KIRREL3: variants seen among roughly 807,000 people sequenced by gnomAD.
The protein encoded by KIRREL3 is kirre like nephrin family adhesion molecule 3.
A neutral mutation model predicts 89.7 loss-of-function variants in KIRREL3; 36 were observed. The observed-to-expected ratio is 0.40, with a 90% CI of 0.31 to 0.53. The LOEUF is 0.53. KIRREL3 is among the 20% of genes least tolerant of loss of function. The probability of loss-of-function intolerance (pLI) is 0.49; values close to 1 mark genes in which losing one functional copy is unlikely to be tolerated. For synonymous variants in KIRREL3, 445 were observed against 441.4 expected, an observed-to-expected ratio of 1.01 and a Z score of -0.10; for missense variants, 864 against 1,056.6, an observed-to-expected ratio of 0.82 and a Z score of 2.53.
intron 1 of KIRREL3, among the ~76,000 whole-genome samples, chr11:126,650,015 A>T (rs1944847801): frequency 6.6e-6 from 1 of 152,154 alleles, no homozygotes; most frequent in Non-Finnish European, 1.5e-5. Context: ...CAGGCTCAAC[A>T]CCACATGGAA....
chr11:126,681,547 G>C (rs1946452354), intron 1 of KIRREL3, among the ~76,000 whole-genome samples: 1 of 152,130 alleles, frequency 6.6e-6, no homozygotes, highest in Non-Finnish European at 1.5e-5. Flanking sequence ...GAAAAGTGGA[G>C]GACTTGGGAG....
At chr11:126,757,528 C>A (rs1258310173) in intron 1 of KIRREL3, among the ~76,000 whole-genome samples, 2 of 152,236 alleles carry the variant, frequency 1.3e-5, no homozygotes, top group South Asian at 2.1e-4. Context: ...GAGACACAGA[C>A]AATTTCCTAT....
At chr11:126,980,511 A>G (rs1052504296) in intron 1 of KIRREL3, among the ~76,000 whole-genome samples, 5 of 152,164 alleles carry the variant, frequency 3.3e-5, no homozygotes, top group Non-Finnish European at 2.9e-5. Flanking sequence ...GTAATGAATG[A>G]CAATGGTGAA....
chr11:126,901,352 C>T lies in KIRREL3; in HGVS notation c.55+99103G>A, dbSNP rs553737502. ...GTTGAAGTATTGACAAATGACTCAT[C>T]TTCACCCTTGTGGTAAGAAGTAGTC... On this transcript the variant is annotated intron_variant, in intron 1 of 16. Transcript: ENST00000525144. 7.2e-5 allele frequency among the ~76,000 whole-genome samples: 11 copies of T among 152,220 alleles called. No individual in the cohort carries two copies. In the South Asian group the frequency reaches 2.3e-3, roughly 32 times the overall value.
At chr11:126,966,426 A>C (rs1308446209) in intron 1 of KIRREL3, among the ~76,000 whole-genome samples, 1 of 152,146 alleles carries the variant, frequency 6.6e-6, no homozygotes, top group East Asian at 1.9e-4. Flanking sequence ...GTATTGATTG[A>C]GTGTGCACCA....
chr11:126,813,658 T>C (rs1311678125), intron 1 of KIRREL3, among the ~76,000 whole-genome samples: 1 of 151,996 alleles, frequency 6.6e-6, no homozygotes, highest in African/African-American at 2.4e-5. Context: ...AGATAATTGG[T>C]ATTGAGGTTC....
chr11:126,920,542 C>T (rs1947228220), intron 1 of KIRREL3: 1 of 152,316 alleles, frequency 6.6e-6, no homozygotes, highest in South Asian at 2.1e-4. Context: ...GCTCTGTTTG[C>T]CTAAAGGATA....
chr11:126,572,100 A>C (rs531719090), intron 1 of KIRREL3, among the ~76,000 whole-genome samples: 10 of 152,328 alleles, frequency 6.6e-5, no homozygotes, highest in Admixed American at 2.6e-4. Flanking sequence ...AGCCTGGTCC[A>C]TTCAGTCCAT....
Position 126,496,592 on chromosome 11 carries a change from C to T in KIRREL3, c.434-23126G>A, listed in dbSNP as rs1163049382. 6.6e-6 allele frequency among the ~76,000 whole-genome samples: 1 copy of T among 152,038 alleles called. No individual in the cohort carries two copies. The highest frequency in any genetic ancestry group is 1.9e-4 in the East Asian group (1 of 5,162). On this transcript the variant is annotated intron_variant, in intron 4 of 16. Coordinates refer to ENST00000525144, the MANE Select transcript of KIRREL3 (RefSeq NM_032531.4). This position sits in a 1 kb window ranked among gnomAD's most constrained non-coding sequence, Gnocchi z 4.9. ...GAGGCAAAGGGAAGGAAGACCACAT[C>T]CACAGGGTCTTGGGAGGTGGGGTGG...
Position 126,905,253 on chromosome 11 carries a change from A to T in KIRREL3, c.55+95202T>A, listed in dbSNP as rs1334272705. ...CCATGGCAAGGGGAGGGTGGGTGAT[A>T]TTTTTTAGTGAAGGAGATGCTTCCG... On this transcript the variant is annotated intron_variant, in intron 1 of 16. Transcript: ENST00000525144. This position sits in a 1 kb window ranked among gnomAD's most constrained non-coding sequence, Gnocchi z 5.0. 6.6e-6 allele frequency among the ~76,000 whole-genome samples: 1 copy of T among 151,916 alleles called. No homozygotes were observed. The highest frequency in any genetic ancestry group is 1.5e-5 in the Non-Finnish European group (1 of 67,990).
chr11:126,863,498 A>AGTGCGT (rs1944798745), intron 1 of KIRREL3, among the ~76,000 whole-genome samples: 1 of 3,320 alleles, frequency 3.0e-4, no homozygotes, highest in Non-Finnish European at 5.9e-4. Context: ...TGCGTGTGTG[A>AGTGCGT]GTGTGAGTGC....
At chr11:127,001,707 C>A (rs999002954), upstream of KIRREL3, among the ~76,000 whole-genome samples, 2 of 152,008 alleles carry the variant, frequency 1.3e-5, no homozygotes, top group Admixed American at 1.3e-4. Flanking sequence ...TTATCTGGGT[C>A]TATTTACTTA....
rs1453370732 is a variant in KIRREL3, at chr11:126,782,914, C to T, written c.55+217541G>A. Among the ~76,000 whole-genome samples the T allele has an allele frequency of 6.6e-6, 1 of 152,130 alleles. No homozygotes were observed. The highest frequency in any genetic ancestry group is 1.5e-5 in the Non-Finnish European group (1 of 68,016). ...CCAGAGTTTGGTTTCTGATACCACT[C>T]TGTAATAAAAGGAACCAGGGCTCCT... On this transcript the variant is annotated intron_variant, in intron 1 of 16. Transcript: ENST00000525144. The surrounding 1 kb of genome is among the most constrained non-coding windows in gnomAD (Gnocchi z 4.1).
rs907137486 is a variant in KIRREL3, at chr11:126,477,788, G to C, written c.434-4322C>G. On this transcript the variant is annotated intron_variant, in intron 4 of 16. Coordinates refer to ENST00000525144, the MANE Select transcript of KIRREL3 (RefSeq NM_032531.4). The surrounding 1 kb of genome is among the most constrained non-coding windows in gnomAD (Gnocchi z 4.8). ...CCTCGATGCTCCATCAGCCTGGGAT[G>C]GTTGGTCTCTGAGCATGGCTGATCG... 2.2e-4 allele frequency among the ~76,000 whole-genome samples: 34 copies of C among 152,294 alleles called. No homozygotes were observed. Among genetic ancestry groups the C allele is most frequent in the Admixed American group, 3.3e-4 (5 of 15,302 alleles).
Position 126,475,529 on chromosome 11 carries a change from G to A in KIRREL3, c.434-2063C>T, listed in dbSNP as rs987305548. ...ACAAGCAACCTCCCAGGGCTTCCGA[G>A]AAGCCATCACTGACCCCAGGGGCAG... On this transcript the variant is annotated intron_variant, in intron 4 of 16. Coordinates refer to ENST00000525144, the MANE Select transcript of KIRREL3 (RefSeq NM_032531.4). This position sits in a 1 kb window ranked among gnomAD's most constrained non-coding sequence, Gnocchi z 7.5. 3.3e-5 allele frequency among the ~76,000 whole-genome samples: 5 copies of A among 152,186 alleles called. No homozygotes were observed. Among genetic ancestry groups the A allele is most frequent in the Non-Finnish European group, 5.9e-5 (4 of 68,028 alleles).
rs1168130893 is a variant in KIRREL3, at chr11:126,516,347, A to G, written c.433+4968T>C. Among the ~76,000 whole-genome samples, 1 of 152,060 alleles carries G rather than the reference A, an allele frequency of 6.6e-6. No individual in the cohort carries two copies. Among genetic ancestry groups the G allele is most frequent in the Admixed American group, 6.5e-5 (1 of 15,270 alleles). On this transcript the variant is annotated intron_variant, in intron 4 of 16. Transcript: ENST00000525144. The surrounding 1 kb of genome is among the most constrained non-coding windows in gnomAD (Gnocchi z 4.9). ...GGAAAAATGCCCCTCTTAATAATTAATCTGATGCCAACATCCCCTCCTCCC... is the reference window on the plus strand; with the variant it reads ...GGAAAAATGCCCCTCTTAATAATTAGTCTGATGCCAACATCCCCTCCTCCC...
intron 2 of KIRREL3, among the ~76,000 whole-genome samples, chr11:126,540,731 C>G (rs1463401346): frequency 6.6e-6 from 1 of 152,240 alleles, no homozygotes; most frequent in African/African-American, 2.4e-5. Context: ...CCGAGGTCAC[C>G]TGGAGGTCTA....
At chr11:126,583,507 A>AAGAT (rs1194406876) in intron 1 of KIRREL3, among the ~76,000 whole-genome samples, 2 of 152,174 alleles carry the variant, frequency 1.3e-5, no homozygotes, top group Non-Finnish European at 2.9e-5. Flanking sequence ...TTTACATATC[A>AAGAT]AGATAGAAAA....
In KIRREL3 at chr11:126,456,413, G is replaced by C. The variant is rs1485830590; in HGVS notation, c.784C>G (p.Leu262Val). 4 of 1,573,696 alleles carry C rather than the reference G, an allele frequency of 2.5e-6. No homozygotes were observed. Among genetic ancestry groups the C allele is most frequent in the Non-Finnish European group, 2.6e-6 (3 of 1,160,502 alleles). Reference protein sequence around the residue: ...VNLSVEPQPVLEDNVVTFHCS... With the variant: ...VNLSVEPQPVVEDNVVTFHCS... Reference sequence around the variant, plus strand: ...TGGAAAGTGACGACGTTGTCCTCCAGCACTGGCTGTGGCTCCACCGAGAGG... The same window carrying C: ...TGGAAAGTGACGACGTTGTCCTCCACCACTGGCTGTGGCTCCACCGAGAGG... Residue 262 changes from leucine (L) to valine (V), a missense_variant, in exon 7 of 17, where the codon CTG becomes GTG. Physicochemically the swap from Leu to Val is conservative, Grantham distance 32 (BLOSUM62 1). Transcript: ENST00000525144.
Sources: gnomAD v4.1 joint callset for allele counts (sites outside exome capture counted in the v4.1 genomes callset) on GRCh38, gnomAD v4.1.1 for gene constraint, Gnocchi (gnomAD v3.1) non-coding constraint, MANE v1.5 for transcripts, NCBI Gene and HGNC (gene_info 2026-07-23, HGNC 2026-07-21) for gene names.